The following VPS13B variants were observed in gnomAD, a reference collection of about 807,000 sequenced individuals.
VPS13B encodes the protein vacuolar protein sorting 13 homolog B.
Under a neutral mutation model 426.4 loss-of-function variants are expected in VPS13B, and 285 were observed. The ratio of observed to expected loss-of-function variants is 0.67; its 90% confidence interval spans 0.61 to 0.74. VPS13B has a LOEUF of 0.74. Ranked by LOEUF, VPS13B falls within the 30% of genes least tolerant of loss-of-function variation. VPS13B has a pLI of 0.00. For synonymous variants in VPS13B, 1,676 were observed against 1,676.4 expected (o/e 1.00, Z 0.01); for missense variants, 4,537 against 4,782.6 (o/e 0.95, Z 1.51).
chr8:99,127,851 A>G (rs940223804), intron 8 of VPS13B, among the ~76,000 whole-genome samples: 1 of 152,210 alleles, frequency 6.6e-6, no homozygotes, highest in Non-Finnish European at 1.5e-5. Context: ...TTAAAAGGTA[A>G]GAAGGGACAT....
intron 30 of VPS13B, 130 bp downstream of exon 30, chr8:99,521,140 T>C: frequency 4.0e-6 from 3 of 742,110 alleles, no homozygotes; most frequent in Non-Finnish European, 6.7e-6. Flanking sequence ...AAACCAGGTT[T>C]TTCTGATTTT....
intron 20 of VPS13B, among the ~76,000 whole-genome samples, chr8:99,386,647 G>A (rs917464586): frequency 6.6e-6 from 1 of 152,104 alleles, no homozygotes; most frequent in Non-Finnish European, 1.5e-5. Flanking sequence ...ATTGTTATGT[G>A]GCACATAATT....
At chr8:99,360,696 A>G (rs547015546) in intron 19 of VPS13B, among the ~76,000 whole-genome samples, 6 of 152,170 alleles carry the variant, frequency 3.9e-5, no homozygotes, top group Non-Finnish European at 8.8e-5. Flanking sequence ...CGGCTTGAGT[A>G]TGATCTACTG....
chr8:99,177,396 A>G lies in VPS13B; in HGVS notation c.2333+7233A>G, dbSNP rs151136233. Among the ~76,000 whole-genome samples, 738 of 152,354 alleles carry G rather than the reference A, an allele frequency of 4.8e-3. 3 individuals are homozygous for G. Among genetic ancestry groups the G allele is most frequent in the African/African-American group, 0.016 (683 of 41,594 alleles). ...GTTTAGATAAATAACTTGTCAAAAA[A>G]TACATACATTTATAGTTTTTAAAAC... On this transcript the variant is annotated intron_variant, in intron 16 of 61. Transcript: ENST00000357162.
At chr8:99,799,920 G>C (rs1339262618) in intron 43 of VPS13B, among the ~76,000 whole-genome samples, 2 of 152,116 alleles carry the variant, frequency 1.3e-5, no homozygotes, top group African/African-American at 4.8e-5. Flanking sequence ...ATGACTAACA[G>C]ACAGCCTCTC....
chr8:99,075,544 G>A (rs1171933715), intron 3 of VPS13B, among the ~76,000 whole-genome samples: 1 of 152,164 alleles, frequency 6.6e-6, no homozygotes, highest in Admixed American at 6.5e-5. Flanking sequence ...GTTACATTGA[G>A]GGGCCAAATT....
chr8:99,062,684 T>C (rs922844010), intron 3 of VPS13B, among the ~76,000 whole-genome samples: 2 of 152,050 alleles, frequency 1.3e-5, no homozygotes, highest in Non-Finnish European at 2.9e-5. Flanking sequence ...GTCAGGCTGG[T>C]CTCGAACTTT....
At chr8:99,388,753 G>A (rs1814263409) in intron 20 of VPS13B, among the ~76,000 whole-genome samples, 1 of 152,140 alleles carries the variant, frequency 6.6e-6, no homozygotes, top group Admixed American at 6.5e-5. Context: ...ACAAATATAG[G>A]TATTTTGTAT....
chr8:99,444,751 C>T (rs2133445380), intron 23 of VPS13B, among the ~76,000 whole-genome samples: 1 of 152,170 alleles, frequency 6.6e-6, no homozygotes, highest in East Asian at 1.9e-4. Flanking sequence ...CTCACTGCCG[C>T]CTTGACCGCC....
At chr8:99,690,913 A>G (rs985022019) in intron 35 of VPS13B, among the ~76,000 whole-genome samples, 4 of 152,184 alleles carry the variant, frequency 2.6e-5, no homozygotes, top group Non-Finnish European at 5.9e-5. Flanking sequence ...GCACACACAT[A>G]TTCATAGCAG....
intron 30 of VPS13B, among the ~76,000 whole-genome samples, chr8:99,542,298 A>G (rs1050266911): frequency 2.6e-5 from 4 of 152,176 alleles, no homozygotes; most frequent in Non-Finnish European, 5.9e-5. Flanking sequence ...AATAATATCT[A>G]TATAATTTAT....
intron 17 of VPS13B, among the ~76,000 whole-genome samples, chr8:99,197,352 A>T (rs1813999967): frequency 6.6e-6 from 1 of 152,220 alleles, no homozygotes; most frequent in Admixed American, 6.5e-5. Context: ...GTTTGAAAGT[A>T]TTCTCTCTTC....
At position 99,871,474 on chromosome 8, in the gene VPS13B, C is replaced by CAGA; in HGVS notation, c.11525_11527dup (p.Glu3842dup). 6.2e-7 allele frequency: 1 copy of CAGA among 1,614,170 alleles called. No individual in the cohort carries two copies. Among genetic ancestry groups the CAGA allele is most frequent in the East Asian group, 2.2e-5 (1 of 44,880 alleles). On this transcript the variant is annotated inframe_insertion, in exon 61 of 62. Transcript: ENST00000357162. ...AAAATGCTTCAGTCTCTGGGCAGAC[C>CAGA]AGAAGTCCACATGGCCCTGGACGTG...
intron 24 of VPS13B, among the ~76,000 whole-genome samples, chr8:99,474,488 A>G (rs1819589339): frequency 6.6e-6 from 1 of 152,076 alleles, no homozygotes; most frequent in African/African-American, 2.4e-5. Context: ...CACCCGGACT[A>G]AAAATTTTTT....
At chr8:99,237,939 A>G (rs960799988) in intron 17 of VPS13B, among the ~76,000 whole-genome samples, 2 of 150,502 alleles carry the variant, frequency 1.3e-5, no homozygotes, top group African/African-American at 4.9e-5. Context: ...CGTTTCTCCA[A>G]TTTCAGGTCT....
intron 17 of VPS13B, among the ~76,000 whole-genome samples, chr8:99,218,472 G>A (rs1347778066): frequency 6.6e-6 from 1 of 152,138 alleles, no homozygotes; most frequent in African/African-American, 2.4e-5. Context: ...TAAGGGAGGT[G>A]GAGTTTTGTG....
At chr8:99,564,052 T>C (rs1314147540) in intron 31 of VPS13B, among the ~76,000 whole-genome samples, 1 of 152,208 alleles carries the variant, frequency 6.6e-6, no homozygotes, top group African/African-American at 2.4e-5. Context: ...TCTGGGTACA[T>C]TACTCAAATT....
At chr8:99,839,381 G>C (rs1815560869) in intron 54 of VPS13B, among the ~76,000 whole-genome samples, 1 of 152,098 alleles carries the variant, frequency 6.6e-6, no homozygotes, top group South Asian at 2.1e-4. Flanking sequence ...CTTTTACTGA[G>C]GACCTATCAG....
chr8:99,105,446 T>C (rs1846994298), intron 5 of VPS13B, among the ~76,000 whole-genome samples: 1 of 152,192 alleles, frequency 6.6e-6, no homozygotes, highest in African/African-American at 2.4e-5. Context: ...TGACGCAATC[T>C]TGGCTCACTG....
Sources: allele counts gnomAD v4.1 joint callset (sites outside exome capture counted in the v4.1 genomes callset), GRCh38; gene constraint gnomAD v4.1.1; transcripts MANE v1.5; gene names NCBI Gene and HGNC (gene_info 2026-07-23, HGNC 2026-07-21).